RNF4: variants seen among roughly 807,000 people sequenced by gnomAD.
RNF4 encodes E3 ubiquitin-protein ligase RNF4.
In RNF4, 7 loss-of-function variants were observed where a neutral mutation model predicts 24.3. That is an observed-to-expected ratio of 0.29 (90% CI 0.16 to 0.54). The LOEUF (loss-of-function observed/expected upper bound fraction) is 0.54. Ranked by LOEUF, RNF4 falls within the 20% of genes least tolerant of loss-of-function variation. The pLI is 0.95. For synonymous variants in RNF4, 83 were observed against 84.3 expected, an observed-to-expected ratio of 0.98 and a Z score of 0.09; for missense variants, 209 against 248.5, an observed-to-expected ratio of 0.84 and a Z score of 1.07.
intron 1 of RNF4, among the ~76,000 whole-genome samples, chr4:2,473,178 T>G (rs907412580): frequency 4.6e-5 from 7 of 150,892 alleles, no homozygotes; most frequent in African/African-American, 1.7e-4. Flanking sequence ...GGTCAGGAGT[T>G]TGAGACCAGC....
chr4:2,475,179 A>C (rs1334763013), intron 1 of RNF4, among the ~76,000 whole-genome samples: 1 of 152,144 alleles, frequency 6.6e-6, no homozygotes, highest in African/African-American at 2.4e-5. Flanking sequence ...TTTTTTATTT[A>C]TTTTTTAAGA....
intron 1 of RNF4, among the ~76,000 whole-genome samples, chr4:2,488,688 T>C (rs1735488879): frequency 1.3e-5 from 2 of 152,172 alleles, no homozygotes; most frequent in Non-Finnish European, 2.9e-5. Context: ...TCTGGAATCC[T>C]CACACACCAT....
At chr4:2,470,619 T>C (rs766351661) in intron 1 of RNF4, among the ~76,000 whole-genome samples, 24 of 152,246 alleles carry the variant, frequency 1.6e-4, no homozygotes, top group Non-Finnish European at 2.9e-4. Context: ...TATTTCTTTT[T>C]ATATAATGTA....
At chr4:2,487,906 G>A (rs1012727305) in intron 1 of RNF4, among the ~76,000 whole-genome samples, 2 of 152,154 alleles carry the variant, frequency 1.3e-5, no homozygotes, top group Non-Finnish European at 2.9e-5. Flanking sequence ...AGAACCAGAC[G>A]ACCAAGTGCT....
intron 7 of RNF4, 150 bp from the exon 8 acceptor site, chr4:2,513,520 A>T (rs543801607): frequency 1.2e-6 from 1 of 865,262 alleles, no homozygotes; most frequent in Admixed American, 2.8e-5. Flanking sequence ...CAGCAGACAC[A>T]GTTAGCTCTC....
intron 1 of RNF4, among the ~76,000 whole-genome samples, chr4:2,471,420 C>T (rs574037894): frequency 2.0e-5 from 3 of 151,050 alleles, no homozygotes; most frequent in African/African-American, 4.8e-5. Flanking sequence ...TCTCTCTCCT[C>T]AGGCCTCTCA....
intron 1 of RNF4, among the ~76,000 whole-genome samples, chr4:2,488,812 T>TTTATTTA (rs1553877971): frequency 7.7e-4 from 117 of 151,946 alleles, no homozygotes; most frequent in Non-Finnish European, 1.1e-3. Context: ...TATTTTCATT[T>TTTATTTA]TTTATTTATT....
intron 1 of RNF4, among the ~76,000 whole-genome samples, chr4:2,478,651 G>A (rs140184705): frequency 2.3e-4 from 35 of 152,350 alleles, no homozygotes; most frequent in African/African-American, 7.0e-4. Context: ...TTGAGCCTGC[G>A]AGTGCGCAGA....
chr4:2,496,601 C>T (rs1735742559), intron 2 of RNF4, among the ~76,000 whole-genome samples: 2 of 152,116 alleles, frequency 1.3e-5, no homozygotes, highest in South Asian at 4.1e-4. Context: ...GCTGGGATTA[C>T]AGGTGCCTGC....
At chr4:2,490,722 T>C (rs1259162784) in intron 2 of RNF4, 2 of 490,720 alleles carry the variant, frequency 4.1e-6, no homozygotes, top group East Asian at 3.1e-5. Context: ...GACAAAAGGC[T>C]GAGAAGGAAT....
At position 2,512,959 on chromosome 4, in the gene RNF4, C is replaced by T. The variant is rs950125506; in HGVS notation, c.375-124C>T. On this transcript the variant is annotated intron_variant, in intron 6 of 7. Transcript: ENST00000314289. The surrounding 1 kb of genome is among the most constrained non-coding windows in gnomAD (Gnocchi z 4.1). Reference sequence around the variant, plus strand: ...TTCCTGAAAGTCTCTCGGATGCCCGCGCTAAGGCAGAGTCAGGAGGCCAGG... The same window carrying T: ...TTCCTGAAAGTCTCTCGGATGCCCGTGCTAAGGCAGAGTCAGGAGGCCAGG... 9.5e-6 allele frequency: 9 copies of T among 945,270 alleles called. No individual in the cohort carries two copies. The highest frequency in any genetic ancestry group is 4.9e-5 in the African/African-American group (3 of 61,496). The allele number at this position is 945,270 out of a possible 1,614,324, so 58.6% of individuals were successfully genotyped here. A position where few individuals can be genotyped will look rare whatever the true frequency, so the allele number is the denominator to read the frequency against.
At chr4:2,499,383 TCTC>T (rs772745682) in intron 3 of RNF4, 364 of 419,734 alleles carry the variant, frequency 8.7e-4, no homozygotes, top group Non-Finnish European at 1.4e-3. Context: ...TTCAAGCAAT[TCTC>T]CTGCCTCAGC....
Position 2,513,753 on chromosome 4 carries a change from T to C in RNF4, c.507T>C (p.Asn169=). 6.2e-7 allele frequency: 1 copy of C among 1,613,908 alleles called. No homozygotes were observed. Among genetic ancestry groups the C allele is most frequent in the Non-Finnish European group, 8.5e-7 (1 of 1,179,864 alleles). Residue 169 remains asparagine, a synonymous_variant, in exon 8 of 8, where the codon AAT becomes AAC. Coordinates refer to ENST00000314289, the MANE Select transcript of RNF4 (RefSeq NM_002938.5). ...CSQCLRDSLK[N]ANTCPTCRKK... is the part of the protein sequence containing the mutation. ...AGTGCCTCCGTGATTCCCTGAAGAA[T>C]GCTAATACTTGCCCAACTTGTAGGA...
At position 2,512,968 on chromosome 4, in the gene RNF4, A is replaced by G. The variant is rs1736310010; in HGVS notation, c.375-115A>G. 2.9e-6 allele frequency: 3 copies of G among 1,020,618 alleles called. No homozygotes were observed. Among genetic ancestry groups the G allele is most frequent in the African/African-American group, 3.2e-5 (2 of 62,998 alleles). The allele number at this position is 1,020,618 out of a possible 1,614,324, so 63.2% of individuals were successfully genotyped here. ...GTCTCTCGGATGCCCGCGCTAAGGCAGAGTCAGGAGGCCAGGGACGGGACT... is the reference window on the plus strand; with the variant it reads ...GTCTCTCGGATGCCCGCGCTAAGGCGGAGTCAGGAGGCCAGGGACGGGACT... On this transcript the variant is annotated intron_variant, in intron 6 of 7. Transcript: ENST00000314289. The surrounding 1 kb of genome is among the most constrained non-coding windows in gnomAD (Gnocchi z 4.1).
At chr4:2,491,147 A>C (rs1735568565) in intron 2 of RNF4, among the ~76,000 whole-genome samples, 1 of 152,184 alleles carries the variant, frequency 6.6e-6, no homozygotes, top group Non-Finnish European at 1.5e-5. Context: ...TGGTTCATTC[A>C]GTGTGAGCAT....
chr4:2,488,649 A>G (rs571677076), intron 1 of RNF4, among the ~76,000 whole-genome samples: 2 of 152,218 alleles, frequency 1.3e-5, no homozygotes, highest in South Asian at 4.1e-4. Context: ...GTGTGCCTGC[A>G]CTGTTCCAAA....
In RNF4 at chr4:2,513,142, C is replaced by A. The variant is rs538722310; in HGVS notation, c.423+11C>A. 6.2e-7 allele frequency: 1 copy of A among 1,612,010 alleles called. No homozygotes were observed. Among genetic ancestry groups the A allele is most frequent in the East Asian group, 2.2e-5 (1 of 44,866 alleles). ...GACGGATACTCAGAGGTAAGTAAAC[C>A]AAGCTGTATCTTCCAGGCTTCTGGT... On this transcript the variant is annotated intron_variant, in intron 7 of 7. Transcript: ENST00000314289.
At chr4:2,472,778 A>ACG (rs1734946458) in intron 1 of RNF4, among the ~76,000 whole-genome samples, 1 of 152,194 alleles carries the variant, frequency 6.6e-6, no homozygotes, top group Non-Finnish European at 1.5e-5. Flanking sequence ...ACGGTGGCTC[A>ACG]CCCGTGTAAT....
chr4:2,478,075 C>T (rs890254576), intron 1 of RNF4, among the ~76,000 whole-genome samples: 1 of 152,162 alleles, frequency 6.6e-6, no homozygotes, highest in Non-Finnish European at 1.5e-5. Context: ...GCAAGGGTCA[C>T]TCCTGTTATG....
Sources: allele counts gnomAD v4.1 joint callset (sites outside exome capture counted in the v4.1 genomes callset), GRCh38; gene constraint gnomAD v4.1.1; non-coding constraint Gnocchi (gnomAD v3.1); transcripts MANE v1.5; gene names NCBI Gene and HGNC (gene_info 2026-07-23, HGNC 2026-07-21).